The following DDX49 variants were observed in gnomAD, a reference collection of about 807,000 sequenced individuals.
DDX49 encodes the protein probable ATP-dependent RNA helicase DDX49.
DDX49 carries 50 observed loss-of-function variants against 56.3 expected under a neutral mutation model. The observed-to-expected ratio is 0.89, with a 90% CI of 0.71 to 1.12. The LOEUF is 1.12. Ranked by LOEUF, DDX49 falls within the 50% of genes most tolerant of loss-of-function variation. The probability of loss-of-function intolerance (pLI) is 0.00; values close to 1 mark genes in which losing one functional copy is unlikely to be tolerated. For missense variants in DDX49, 614 were observed against 650.5 expected, an observed-to-expected ratio of 0.94 and a Z score of 0.61; for synonymous variants, 269 against 270.6, an observed-to-expected ratio of 0.99 and a Z score of 0.06.
intron 6 of DDX49, 91 bp from the exon 7 acceptor site, chr19:18,924,142 T>C: frequency 7.9e-7 from 1 of 1,265,928 alleles, no homozygotes; most frequent in Non-Finnish European, 1.2e-6. Context: ...ATGAGGCCAC[T>C]GTGCTAGGTG....
chr19:18,920,671 T>G lies in DDX49; in HGVS notation c.207T>G (p.Tyr69Ter), dbSNP rs1301337170. ...PILQKLSEDPYGIFCLVLTPT... is the reference protein window; with the variant it reads ...PILQKLSEDP ...TGCAGAAGCTGTCTGAGGATCCCTA[T>G]GGCATCTTCTGCCTCGTCCTGACAC... The change falls in exon 2 of 13, where the codon TAT (tyrosine) becomes TAG (stop). Residue 69 changes from tyrosine (Y) to a stop codon, truncating the protein, a stop_gained. Coordinates refer to ENST00000247003, the MANE Select transcript of DDX49 (RefSeq NM_019070.5). LOFTEE classifies it high-confidence loss of function. The G allele has an allele frequency of 3.1e-6, 5 of 1,610,180 alleles. No homozygotes were observed. Among genetic ancestry groups the G allele is most frequent in the Non-Finnish European group, 4.2e-6 (5 of 1,176,762 alleles).
rs756355764 is a variant in DDX49 at position 18,922,701 on chromosome 19, G to A, written c.733G>A (p.Glu245Lys). ...LVHLIQRFQDEHEDWSIIIFT... is the reference protein window; with the variant it reads ...LVHLIQRFQDKHEDWSIIIFT... Reference sequence around the variant, plus strand: ...CCACCTGATCCAGCGCTTCCAGGATGAGCACGAGGACTGGTCCATTATCAT... The same window carrying A: ...CCACCTGATCCAGCGCTTCCAGGATAAGCACGAGGACTGGTCCATTATCAT... The change falls in exon 6 of 13, where the codon GAG (glutamate) becomes AAG (lysine). Residue 245 changes from glutamate (E) to lysine (K), a missense_variant. Transcript: ENST00000247003. 48 of 1,614,004 alleles carry A rather than the reference G, an allele frequency of 3.0e-5. No individual in the cohort carries two copies. The highest frequency in any genetic ancestry group is 3.9e-5 in the Non-Finnish European group (46 of 1,180,032).
Position 18,928,226 on chromosome 19 carries a change from GA to G in DDX49, c.1364del (p.Lys455ArgfsTer91). 1 of 1,588,144 alleles carries G rather than the reference GA, an allele frequency of 6.3e-7. No individual in the cohort carries two copies. Among genetic ancestry groups the G allele is most frequent in the Non-Finnish European group, 8.6e-7 (1 of 1,167,280 alleles). On this transcript the variant is annotated frameshift_variant, in exon 13 of 13. Transcript: ENST00000247003. LOFTEE classifies it low-confidence loss of function (END_TRUNC). ...AGGTGGAGGAGACGCTGAAGCGACAGAAGGCTGGCAGGGCTGGCCACAAGGG... is the reference window on the plus strand; with the variant it reads ...AGGTGGAGGAGACGCTGAAGCGACAGAGGCTGGCAGGGCTGGCCACAAGGG... ...EKVEETLKRQKAGRAGHKGRP... is the reference protein window; with the variant it reads ...EKVEETLKRQXAGRAGHKGRP...
In DDX49 at chr19:18,924,271, G is replaced by C. The variant is rs143159618; in HGVS notation, c.815G>C (p.Ser272Thr). 107 of 1,613,904 alleles carry C rather than the reference G, an allele frequency of 6.6e-5. No homozygotes were observed. The African/African-American group carries it at 1.3e-3, about 20-fold the overall frequency. The change falls in exon 7 of 13, where the codon AGC becomes ACC. Residue 272 changes from serine (S) to threonine (T), a missense_variant. Transcript: ENST00000247003. ...QILCMMLRKF[S>T]FPTVALHSMM... is the part of the protein sequence containing the mutation. Reference sequence around the variant, plus strand: ...CTGTGCATGATGCTGCGCAAATTCAGCTTCCCCACCGTGGCTCTGCACTCC... The same window carrying C: ...CTGTGCATGATGCTGCGCAAATTCACCTTCCCCACCGTGGCTCTGCACTCC...
intron 2 of DDX49, among the ~76,000 whole-genome samples, chr19:18,921,096 G>A (rs1480887593): frequency 2.6e-5 from 4 of 151,696 alleles, no homozygotes; most frequent in East Asian, 1.9e-4. Context: ...AGCCAAGATC[G>A]TGCCATTGCA....
In DDX49 at chr19:18,926,287, C is replaced by T. The variant is rs180961653; in HGVS notation, c.1028-16C>T. The T allele has an allele frequency of 1.1e-5, 17 of 1,566,656 alleles. No individual in the cohort carries two copies. The highest frequency in any genetic ancestry group is 4.0e-5 in the African/African-American group (3 of 74,202). ...TGACGCCCAGCACATAGCAGATAAC[C>T]GGCACATCCCCACAGGGCGGCAGGG... On this transcript the variant is annotated splice_polypyrimidine_tract_variant and intron_variant, in intron 9 of 12. Transcript: ENST00000247003.
chr19:18,920,509 C>A, intron 1 of DDX49, 71 bp from the exon 2 acceptor site: 2 of 1,503,558 alleles, frequency 1.3e-6, no homozygotes, highest in Non-Finnish European at 9.1e-7. Context: ...GGCAGTGTGT[C>A]CTGGGCAAGG....
Position 18,928,445 on chromosome 19 carries a change from G to C in DDX49, c.*129G>C. ...CCCACAGCAGAACCCGTGGGCGCTC[G>C]TGTTGTGCGGGCCCTGCTCCTCTGC... On this transcript the variant is annotated 3_prime_UTR_variant, in exon 13 of 13. Transcript: ENST00000247003. The C allele has an allele frequency of 1.1e-6, 1 of 912,974 alleles. No individual in the cohort carries two copies. The highest frequency in any genetic ancestry group is 1.7e-5 in the African/African-American group (1 of 59,660). 56.6% of individuals were successfully genotyped at this position (912,974 alleles called of 1,614,324 possible).
At chr19:18,926,423 G>T in intron 10 of DDX49, 46 bp downstream of exon 10, 1 of 490,298 alleles carries the variant, frequency 2.0e-6, no homozygotes, top group East Asian at 5.1e-5. Flanking sequence ...GGTGGGGTGG[G>T]CAGAGGTGGG....
intron 1 of DDX49, 137 bp from the exon 2 acceptor site, chr19:18,920,443 G>A (rs1241508986): frequency 2.4e-6 from 2 of 829,896 alleles, no homozygotes; most frequent in Non-Finnish European, 3.7e-6. Flanking sequence ...GTGGTAGGAA[G>A]CTGTGGGCAT....
rs1450932946 is a variant in DDX49, at chr19:18,925,029, T to C, written c.1027+50T>C. On this transcript the variant is annotated intron_variant, in intron 9 of 12. Coordinates refer to ENST00000247003, the MANE Select transcript of DDX49 (RefSeq NM_019070.5). ...GCCTTGGGCCTCTGTCCCTCCAGCC[T>C]GCCCAGCAAATTCAGGTGGTAGGAC... 5 of 1,585,574 alleles carry C rather than the reference T, an allele frequency of 3.2e-6. No individual in the cohort carries two copies. In the Admixed American group the frequency reaches 8.7e-5, roughly 28 times the overall value.
chr19:18,919,921 G>T, intron 1 of DDX49, 65 bp downstream of exon 1: 3 of 1,279,810 alleles, frequency 2.3e-6, no homozygotes, highest in Non-Finnish European at 2.1e-6. Context: ...TTCCCTTCTC[G>T]CAACCTTTGC....
rs1243648029 is a variant in DDX49 at position 18,921,963 on chromosome 19, T to G, written c.446T>G (p.Leu149Arg). ...NTFSIKKIRF[L>R]VMDEADRLLE... is the part of the protein sequence containing the mutation. ...TTTAGTATAAAGAAGATCCGCTTCC[T>G]GGTGAGTTCGCCCCGCCCCTGCAGA... Residue 149 changes from leucine (L) to arginine (R), a missense_variant and splice_region_variant, in exon 4 of 13, where the codon CTG becomes CGG. Leu to Arg is a moderately radical substitution (Grantham distance 102, BLOSUM62 -2). Transcript: ENST00000247003. 7 of 1,606,054 alleles carry G rather than the reference T, an allele frequency of 4.4e-6. No individual in the cohort carries two copies. Among genetic ancestry groups the G allele is most frequent in the Non-Finnish European group, 6.0e-6 (7 of 1,175,070 alleles).
Sources: gnomAD v4.1 joint callset for allele counts (sites outside exome capture counted in the v4.1 genomes callset) on GRCh38, gnomAD v4.1.1 for gene constraint, MANE v1.5 for transcripts, NCBI Gene and HGNC (gene_info 2026-07-23, HGNC 2026-07-21) for gene names.